ANKFN1: variants seen among roughly 807,000 people sequenced by gnomAD.
The protein encoded by ANKFN1 is ankyrin repeat and fibronectin type-III domain-containing protein 1.
Under a neutral mutation model 108.7 loss-of-function variants are expected in ANKFN1, and 74 were observed. That is an observed-to-expected ratio of 0.68 (90% CI 0.56 to 0.83). The LOEUF (loss-of-function observed/expected upper bound fraction) is 0.83, where lower values mean the gene tolerates loss of function less well. Ranked by LOEUF, ANKFN1 falls within the 40% of genes least tolerant of loss-of-function variation. ANKFN1 has a pLI of 0.00. For synonymous variants in ANKFN1, 547 were observed against 516.2 expected (o/e 1.06, Z -0.81); for missense variants, 1,505 against 1,382.3 (o/e 1.09, Z -1.41).
intron 3 of ANKFN1, among the ~76,000 whole-genome samples, chr17:56,285,834 CAATGAT>C (rs1341497425): frequency 1.7e-5 from 2 of 114,848 alleles, no homozygotes; most frequent in Admixed American, 9.1e-5. Context: ...GCCTGTCAGA[CAATGAT>C]GATGATGATG....
intron 1 of ANKFN1, among the ~76,000 whole-genome samples, chr17:56,193,594 A>AAT (rs1913218593): frequency 6.6e-6 from 1 of 151,536 alleles, no homozygotes; most frequent in African/African-American, 2.4e-5. Flanking sequence ...AAAAAAAAAA[A>AAT]GAATCTAGAC....
At chr17:56,245,613 T>C (rs968727095) in intron 3 of ANKFN1, 1 of 152,180 alleles carries the variant, frequency 6.6e-6, no homozygotes, top group Non-Finnish European at 1.5e-5. Flanking sequence ...CAAACACTTA[T>C]AGTAATACTG....
chr17:56,289,560 C>T (rs140080127), intron 3 of ANKFN1, among the ~76,000 whole-genome samples: 3 of 152,206 alleles, frequency 2.0e-5, no homozygotes, highest in Admixed American at 1.3e-4. Context: ...GGTTCAGAAT[C>T]AAACTTGCCC....
chr17:56,099,977 T>A (rs1303952926), intron 4 of ANKFN1, among the ~76,000 whole-genome samples: 2 of 152,188 alleles, frequency 1.3e-5, no homozygotes, highest in Non-Finnish European at 2.9e-5. Flanking sequence ...GGGAGACTGG[T>A]TTGGTGGCTA....
chr17:56,097,731 C>T (rs1209932341), intron 4 of ANKFN1, among the ~76,000 whole-genome samples: 2 of 152,190 alleles, frequency 1.3e-5, no homozygotes, highest in African/African-American at 4.8e-5. Context: ...CTCTGTCAGC[C>T]TCGTCTTTTC....
chr17:56,095,705 G>A (rs1163530617), intron 4 of ANKFN1, among the ~76,000 whole-genome samples: 1 of 152,204 alleles, frequency 6.6e-6, no homozygotes, highest in Admixed American at 6.5e-5. Flanking sequence ...TGAGCGCAAA[G>A]CATGTTGAGT....
chr17:56,293,234 T>G (rs1030097647), intron 3 of ANKFN1, among the ~76,000 whole-genome samples: 3 of 152,222 alleles, frequency 2.0e-5, no homozygotes, highest in African/African-American at 7.2e-5. Context: ...ATTTGACAGA[T>G]CGTTGCTGAA....
At chr17:56,368,174 C>A in intron 6 of ANKFN1, 1 of 1,349,992 alleles carries the variant, frequency 7.4e-7, no homozygotes. Flanking sequence ...GAGAATGAAC[C>A]TTTTGATGAA....
intron 18 of ANKFN1, among the ~76,000 whole-genome samples, chr17:56,488,058 T>G (rs1355887529): frequency 1.3e-5 from 2 of 152,188 alleles, no homozygotes; most frequent in East Asian, 3.9e-4. Context: ...CTTTATCCCG[T>G]AGGCAATAGG....
At chr17:56,109,184 T>A (rs2143243550) in intron 4 of ANKFN1, among the ~76,000 whole-genome samples, 1 of 152,268 alleles carries the variant, frequency 6.6e-6, no homozygotes, top group African/African-American at 2.4e-5. Context: ...TATGTCAGAG[T>A]AACAGGCATC....
In ANKFN1 at chr17:56,242,600, A is replaced by G. The variant is rs541201961; in HGVS notation, c.53+14643A>G. ...GATTATTCAAAGATTGTCTACAATC[A>G]TATACTCTACAAATAAGAATAATTT... On this transcript the variant is annotated intron_variant, in intron 3 of 20. Coordinates refer to ENST00000682825, the MANE Select transcript of ANKFN1 (RefSeq NM_001370326.1). Among the ~76,000 whole-genome samples, 7 of 152,252 alleles carry G rather than the reference A, an allele frequency of 4.6e-5. No individual in the cohort carries two copies. In the East Asian group the frequency reaches 1.2e-3, roughly 25 times the overall value.
At chr17:56,292,695 T>A (rs1458337917) in intron 3 of ANKFN1, among the ~76,000 whole-genome samples, 1 of 152,078 alleles carries the variant, frequency 6.6e-6, no homozygotes, top group East Asian at 1.9e-4. Context: ...CAAGCAAATG[T>A]AGCATCTCTA....
intron 1 of ANKFN1, among the ~76,000 whole-genome samples, chr17:56,168,680 C>T (rs6505041): frequency 0.72 from 108,947 of 152,158 alleles, 39,626 homozygotes; most frequent in East Asian, 0.94. Context: ...TGGTTTAGTT[C>T]GTTTGTTTTC....
intron 20 of ANKFN1, among the ~76,000 whole-genome samples, chr17:56,506,061 GTTTA>G (rs985454615): frequency 1.5e-4 from 23 of 151,966 alleles, no homozygotes; most frequent in East Asian, 5.8e-4. Flanking sequence ...TTGTTTGTTT[GTTTA>G]TTTGTTTTTT....
intron 17 of ANKFN1, among the ~76,000 whole-genome samples, chr17:56,481,135 A>G (rs1009221044): frequency 2.0e-5 from 3 of 151,792 alleles, no homozygotes; most frequent in Admixed American, 6.6e-5. Flanking sequence ...AAAGACAACC[A>G]GGCTCAGCTT....
intron 20 of ANKFN1, among the ~76,000 whole-genome samples, chr17:56,503,848 T>C (rs953832796): frequency 4.6e-5 from 7 of 152,038 alleles, no homozygotes; most frequent in African/African-American, 1.7e-4. Context: ...AGAGGGGAAA[T>C]TCAAGGTTTT....
rs200041339 is a variant in ANKFN1, at chr17:56,153,532, T to C, written c.-71+2T>C. 1.2e-6 allele frequency: 2 copies of C among 1,614,020 alleles called. No homozygotes were observed. Among genetic ancestry groups the C allele is most frequent in the African/African-American group, 2.7e-5 (2 of 75,054 alleles). ...CTCATGGAGGCGTCTCTAACCAGGG[T>C]AGGAAAACAATAGTTCTAAATATCG... is the stretch of plus-strand genomic sequence containing the variant. On this transcript the variant is annotated splice_donor_variant, in intron 1 of 20. Coordinates refer to ENST00000682825, the MANE Select transcript of ANKFN1 (RefSeq NM_001370326.1). LOFTEE classifies it low-confidence loss of function (5UTR_SPLICE).
At chr17:56,316,073 T>C (rs996036295) in intron 3 of ANKFN1, among the ~76,000 whole-genome samples, 1 of 152,324 alleles carries the variant, frequency 6.6e-6, no homozygotes, top group East Asian at 1.9e-4. Context: ...TCATCTGACA[T>C]TTTTAGAAGA....
At chr17:56,214,925 A>G (rs1428824303) in intron 2 of ANKFN1, among the ~76,000 whole-genome samples, 3 of 152,250 alleles carry the variant, frequency 2.0e-5, no homozygotes, top group Non-Finnish European at 4.4e-5. Flanking sequence ...TGATATGTAT[A>G]ACCCAATTGC....
Sources: gnomAD v4.1 joint callset for allele counts (sites outside exome capture counted in the v4.1 genomes callset) on GRCh38, gnomAD v4.1.1 for gene constraint, MANE v1.5 for transcripts, NCBI Gene and HGNC (gene_info 2026-07-23, HGNC 2026-07-21) for gene names.